Variants in FHIT observed in about 807,000 individuals in gnomAD.
The protein encoded by FHIT is fragile histidine triad diadenosine triphosphatase, also known as bis(5'-adenosyl)-triphosphatase.
A neutral mutation model predicts 17.9 loss-of-function variants in FHIT; 19 were observed. The observed-to-expected ratio is 1.06, with a 90% CI of 0.74 to 1.56. The LOEUF (loss-of-function observed/expected upper bound fraction) is 1.56. Among genes scored for constraint, FHIT ranks in the 40% most tolerant of loss-of-function variants. The probability of loss-of-function intolerance (pLI) is 0.00; values close to 1 mark genes in which losing one functional copy is unlikely to be tolerated. For missense variants in FHIT, 248 were observed against 189.2 expected, an observed-to-expected ratio of 1.31 and a Z score of -1.82; for synonymous variants, 81 against 69.7, an observed-to-expected ratio of 1.16 and a Z score of -0.81.
intron 4 of FHIT, among the ~76,000 whole-genome samples, chr3:60,712,226 C>A (rs145760118): frequency 0.025 from 3,871 of 152,188 alleles, 184 homozygotes; most frequent in African/African-American, 0.087. Flanking sequence ...CAAGCAAATG[C>A]TGAGAGATTT....
chr3:60,370,119 A>C (rs1269700580), intron 5 of FHIT, among the ~76,000 whole-genome samples: 1 of 152,208 alleles, frequency 6.6e-6, no homozygotes, highest in South Asian at 2.1e-4. Context: ...CATTTTACTC[A>C]TAATATGTAA....
chr3:61,168,472 T>C (rs1295558159), intron 2 of FHIT, among the ~76,000 whole-genome samples: 1 of 152,246 alleles, frequency 6.6e-6, no homozygotes, highest in Non-Finnish European at 1.5e-5. Context: ...GGCACAACTT[T>C]CTCAATTTCA....
At chr3:60,594,469 A>G (rs2038194220) in intron 4 of FHIT, among the ~76,000 whole-genome samples, 1 of 152,042 alleles carries the variant, frequency 6.6e-6, no homozygotes, top group Non-Finnish European at 1.5e-5. Context: ...CAACTTCCCC[A>G]AGTGTTGCCC....
intron 7 of FHIT, among the ~76,000 whole-genome samples, chr3:59,997,782 A>G (rs1342692243): frequency 6.6e-6 from 1 of 152,160 alleles, no homozygotes; most frequent in Non-Finnish European, 1.5e-5. Flanking sequence ...TTAGGTTTGC[A>G]ATTAAAATTG....
intron 3 of FHIT, among the ~76,000 whole-genome samples, chr3:60,990,801 A>G (rs913294902): frequency 2.0e-5 from 3 of 152,202 alleles, no homozygotes; most frequent in Non-Finnish European, 4.4e-5. Context: ...CACAGCATGT[A>G]AAGTCACATT....
chr3:60,759,927 CTTCCTTCCTGCT>C (rs1553719273), intron 4 of FHIT, among the ~76,000 whole-genome samples: 1 of 150,504 alleles, frequency 6.6e-6, no homozygotes, highest in African/African-American at 2.4e-5. Context: ...TTTTCCCTTC[CTTCCTTCCTGCT>C]TTCCTTTTTT....
At chr3:60,876,274 T>A (rs782164379) in intron 3 of FHIT, among the ~76,000 whole-genome samples, 9 of 152,182 alleles carry the variant, frequency 5.9e-5, no homozygotes, top group South Asian at 2.1e-4. Context: ...TTGTATCAAG[T>A]ATTTGTGATG....
intron 8 of FHIT, among the ~76,000 whole-genome samples, chr3:59,830,400 C>T (rs1182772567): frequency 6.6e-6 from 1 of 152,156 alleles, no homozygotes; most frequent in Non-Finnish European, 1.5e-5. Flanking sequence ...CATTTTCAGG[C>T]ACTCAGAGAT....
At chr3:59,943,994 T>A (rs1318429950) in intron 7 of FHIT, among the ~76,000 whole-genome samples, 1 of 152,200 alleles carries the variant, frequency 6.6e-6, no homozygotes, top group Non-Finnish European at 1.5e-5. Flanking sequence ...ATACATTACA[T>A]AAAATAAATC....
At chr3:60,866,800 C>T (rs1449312260) in intron 3 of FHIT, among the ~76,000 whole-genome samples, 1 of 152,078 alleles carries the variant, frequency 6.6e-6, no homozygotes, top group African/African-American at 2.4e-5. Context: ...ATTATCTTAC[C>T]ATCCAGGCTG....
chr3:59,930,924 C>T (rs1292156312), intron 7 of FHIT, among the ~76,000 whole-genome samples: 1 of 152,152 alleles, frequency 6.6e-6, no homozygotes, highest in African/African-American at 2.4e-5. Flanking sequence ...GAAGCCCCTA[C>T]AATTAAGCAG....
chr3:61,209,031 G>A (rs527591681), intron 1 of FHIT, among the ~76,000 whole-genome samples: 1 of 151,952 alleles, frequency 6.6e-6, no homozygotes, highest in African/African-American at 2.4e-5. Flanking sequence ...AAATCTCTCA[G>A]CATTTGCTTG....
intron 5 of FHIT, among the ~76,000 whole-genome samples, chr3:60,454,681 G>C (rs1267394922): frequency 6.6e-6 from 1 of 152,090 alleles, no homozygotes; most frequent in Non-Finnish European, 1.5e-5. Context: ...ACCACGCTCA[G>C]CCTTAACCTA....
At chr3:61,015,601 C>G (rs981023023) in intron 3 of FHIT, among the ~76,000 whole-genome samples, 1 of 152,120 alleles carries the variant, frequency 6.6e-6, no homozygotes, top group Non-Finnish European at 1.5e-5. Context: ...CACTCTGGAA[C>G]TTGGTTCAGA....
chr3:60,651,624 A>C (rs1359616770), intron 4 of FHIT, among the ~76,000 whole-genome samples: 2 of 152,158 alleles, frequency 1.3e-5, no homozygotes, highest in African/African-American at 4.8e-5. Context: ...AAGAAACACA[A>C]ACTTCTGGGC....
chr3:59,836,163 G>T (rs1701332272), intron 8 of FHIT, among the ~76,000 whole-genome samples: 1 of 122,566 alleles, frequency 8.2e-6, no homozygotes, highest in Non-Finnish European at 1.9e-5. Context: ...CTACTTAAAT[G>T]GGAAGGAAAA....
intron 8 of FHIT, among the ~76,000 whole-genome samples, chr3:59,915,301 G>C (rs910243148): frequency 6.6e-6 from 1 of 152,202 alleles, no homozygotes; most frequent in Non-Finnish European, 1.5e-5. Context: ...TGGTTTGATA[G>C]AGTGGATTTA....
At chr3:60,035,674 C>A (rs550330303) in intron 5 of FHIT, among the ~76,000 whole-genome samples, 1 of 152,276 alleles carries the variant, frequency 6.6e-6, no homozygotes, top group Non-Finnish European at 1.5e-5. Flanking sequence ...CTATTTTCAC[C>A]ATTAGCCCAA....
rs575960870 is a variant in FHIT at position 60,796,773 on chromosome 3, C to T, written c.-18+25146G>A. Reference sequence around the variant, plus strand: ...ATGTTTGTATTTTTAGTAGAAACAACGTTTCACCATGTTGGCCAGGCTGGT... The same window carrying T: ...ATGTTTGTATTTTTAGTAGAAACAATGTTTCACCATGTTGGCCAGGCTGGT... On this transcript the variant is annotated intron_variant, in intron 4 of 9. Coordinates refer to ENST00000492590, the MANE Select transcript of FHIT (RefSeq NM_002012.4). 5.9e-5 allele frequency among the ~76,000 whole-genome samples: 9 copies of T among 152,206 alleles called. 1 individual carries two copies. The East Asian group carries it at 9.7e-4, about 16-fold the overall frequency.
Sources: allele counts gnomAD v4.1 joint callset (sites outside exome capture counted in the v4.1 genomes callset), GRCh38; gene constraint gnomAD v4.1.1; transcripts MANE v1.5; gene names NCBI Gene and HGNC (gene_info 2026-07-23, HGNC 2026-07-21).